NRG1: variants seen among roughly 807,000 people sequenced by gnomAD.
NRG1 encodes neuregulin 1.
Under a neutral mutation model 63.8 loss-of-function variants are expected in NRG1, and 18 were observed. The ratio of observed to expected loss-of-function variants is 0.28; its 90% CI spans 0.19 to 0.42. The LOEUF (loss-of-function observed/expected upper bound fraction) is 0.42, where lower values mean the gene tolerates loss of function less well. Among genes scored for constraint, NRG1 ranks in the 10% least tolerant of loss-of-function variants. The pLI is 1.00. For missense variants in NRG1, 762 were observed against 814.7 expected (o/e 0.94, Z 0.79); for synonymous variants, 302 against 301.3 (o/e 1.00, Z -0.02).
chr8:32,639,593 C>G (rs1174940213), intron 5 of NRG1, among the ~76,000 whole-genome samples: 2 of 152,186 alleles, frequency 1.3e-5, no homozygotes, highest in Admixed American at 1.3e-4. Context: ...TAATTCATAA[C>G]TGCCTTCACA....
intron 1 of NRG1, among the ~76,000 whole-genome samples, chr8:31,730,042 T>C (rs1050518377): frequency 2.2e-4 from 34 of 152,090 alleles, no homozygotes; most frequent in Admixed American, 6.6e-5. Flanking sequence ...CCTTAAGTAG[T>C]TAGATGATTG....
chr8:32,165,847 G>T (rs1257676639), intron 1 of NRG1, among the ~76,000 whole-genome samples: 1 of 152,120 alleles, frequency 6.6e-6, no homozygotes, highest in African/African-American at 2.4e-5. Flanking sequence ...TGGTGTGAAA[G>T]ATACCAAGAA....
chr8:32,636,605 A>G (rs1196657690), intron 5 of NRG1, among the ~76,000 whole-genome samples: 1 of 152,152 alleles, frequency 6.6e-6, no homozygotes, highest in Middle Eastern at 3.2e-3. Context: ...CAGTAATGTG[A>G]ACTTTACATT....
intron 1 of NRG1, among the ~76,000 whole-genome samples, chr8:32,502,760 C>T (rs7015676): frequency 0.57 from 86,610 of 151,722 alleles, 25,119 homozygotes; most frequent in East Asian, 0.78. Context: ...TTCATTTACA[C>T]ATATTTATTA....
chr8:31,682,193 G>C (rs1458633405), intron 1 of NRG1, among the ~76,000 whole-genome samples: 4 of 152,086 alleles, frequency 2.6e-5, no homozygotes, highest in Admixed American at 2.0e-4. Context: ...GTCATATAGT[G>C]GCAATCATAC....
In NRG1 at chr8:32,564,091, T is replaced by C. The variant is rs79156863; in HGVS notation, c.100+15265T>C. Among the ~76,000 whole-genome samples, 1,321 of 152,158 alleles carry C rather than the reference T, an allele frequency of 8.7e-3. 16 individuals carry two copies. The highest frequency in any genetic ancestry group is 0.029 in the African/African-American group (1,210 of 41,522). On this transcript the variant is annotated intron_variant, in intron 1 of 11. Transcript: ENST00000356819. ...ATGATAAATCATTTTGATGGCCTTT[T>C]TAAATCAGAGTCACCGAGTCCCACA... is the stretch of plus-strand genomic sequence containing the variant.
intron 5 of NRG1, among the ~76,000 whole-genome samples, chr8:32,719,613 G>A (rs1021299266): frequency 6.6e-6 from 1 of 151,956 alleles, no homozygotes; most frequent in East Asian, 1.9e-4. Context: ...ATTTGTAACT[G>A]TTTGAATCAG....
At chr8:32,131,980 A>G (rs1834882649) in intron 1 of NRG1, among the ~76,000 whole-genome samples, 1 of 152,088 alleles carries the variant, frequency 6.6e-6, no homozygotes, top group Admixed American at 6.6e-5. Flanking sequence ...AGATATATTT[A>G]AAGGCAGAGG....
At chr8:31,649,468 A>AG (rs1410397193) in intron 1 of NRG1, among the ~76,000 whole-genome samples, 3 of 152,224 alleles carry the variant, frequency 2.0e-5, no homozygotes, top group Non-Finnish European at 2.9e-5. Context: ...TTTTCTATAC[A>AG]GAGTTAGTGT....
intron 1 of NRG1, among the ~76,000 whole-genome samples, chr8:32,474,552 G>C (rs1026248934): frequency 6.6e-6 from 1 of 150,808 alleles, no homozygotes; most frequent in Non-Finnish European, 1.5e-5. Context: ...GAGGGCAGTG[G>C]CACCATCTTG....
Position 31,719,686 on chromosome 8 carries a change from G to A in NRG1, c.37+80255G>A, listed in dbSNP as rs140622667. Among the ~76,000 whole-genome samples the A allele has an allele frequency of 6.1e-3, 936 of 152,230 alleles. 11 individuals carry two copies. Among genetic ancestry groups the A allele is most frequent in the South Asian group, 0.043 (207 of 4,822 alleles). On this transcript the variant is annotated intron_variant, in intron 1 of 10. Transcript: ENST00000519301. ...GTCAACTGGGGTTTATTTTAAGTTA[G>A]TATTGATGTAAAAGATGGCACACCC... is the stretch of plus-strand genomic sequence containing the variant.
chr8:32,430,788 T>C (rs1030268238), intron 1 of NRG1, among the ~76,000 whole-genome samples: 3 of 27,154 alleles, frequency 1.1e-4, no homozygotes, highest in Admixed American at 6.0e-4. Context: ...ATGGTTTGGG[T>C]TTTTTTTTTT....
At chr8:32,070,100 T>C (rs12546305) in intron 1 of NRG1, among the ~76,000 whole-genome samples, 148,615 of 152,218 alleles carry the variant, frequency 0.98, 72,648 homozygotes, top group East Asian at 1. Context: ...CATTGATCCA[T>C]AGTGGAAATT....
intron 1 of NRG1, among the ~76,000 whole-genome samples, chr8:32,579,852 A>G (rs1840330565): frequency 6.6e-6 from 1 of 152,146 alleles, no homozygotes; most frequent in African/African-American, 2.4e-5. Flanking sequence ...CTAAAATTGA[A>G]GTGTTGGCAG....
chr8:32,747,912 G>A (rs912867024), intron 7 of NRG1, among the ~76,000 whole-genome samples: 1 of 151,894 alleles, frequency 6.6e-6, no homozygotes, highest in African/African-American at 2.4e-5. Flanking sequence ...TACCCAAGCT[G>A]TTAAACCCTT....
At position 32,651,008 on chromosome 8, in the gene NRG1, C is replaced by T. The variant is rs138895183; in HGVS notation, c.502+34123C>T. On this transcript the variant is annotated intron_variant, in intron 5 of 11. Transcript: ENST00000356819. ...AGAGAGACAATCCCAGTAATTGTGTCTGCAGCGTTGCTCCCCAAACCAATC... is the reference window on the plus strand; with the variant it reads ...AGAGAGACAATCCCAGTAATTGTGTTTGCAGCGTTGCTCCCCAAACCAATC... Among the ~76,000 whole-genome samples, 335 of 152,256 alleles carry T rather than the reference C, an allele frequency of 2.2e-3. 1 individual carries two copies. The highest frequency in any genetic ancestry group is 7.7e-3 in the African/African-American group (322 of 41,560).
At chr8:31,949,998 C>T (rs184797551) in intron 1 of NRG1, among the ~76,000 whole-genome samples, 10 of 152,300 alleles carry the variant, frequency 6.6e-5, no homozygotes, top group East Asian at 1.9e-4. Context: ...ATCTTCCCAC[C>T]GTTCCAGATT....
chr8:32,581,939 G>A (rs1198210464), intron 1 of NRG1, among the ~76,000 whole-genome samples: 1 of 152,178 alleles, frequency 6.6e-6, no homozygotes, highest in Non-Finnish European at 1.5e-5. Context: ...AATTGTGTAT[G>A]AAAGTGCTTT....
intron 1 of NRG1, among the ~76,000 whole-genome samples, chr8:32,290,617 A>T (rs1364886074): frequency 6.6e-6 from 1 of 152,130 alleles, no homozygotes; most frequent in Non-Finnish European, 1.5e-5. Context: ...TCTTATGCCC[A>T]CGTGAAGTGA....
Sources: allele counts gnomAD v4.1 joint callset (sites outside exome capture counted in the v4.1 genomes callset), GRCh38; gene constraint gnomAD v4.1.1; transcripts MANE v1.5; gene names NCBI Gene and HGNC (gene_info 2026-07-23, HGNC 2026-07-21).